Variants in CDH18 observed in about 807,000 individuals in gnomAD.
The protein encoded by CDH18 is cadherin-18.
CDH18 carries 31 observed loss-of-function variants against 67.9 expected under a neutral mutation model. The ratio of observed to expected loss-of-function variants is 0.46; its 90% CI spans 0.34 to 0.62. The LOEUF (loss-of-function observed/expected upper bound fraction) is 0.62. Ranked by LOEUF, CDH18 falls within the 20% of genes least tolerant of loss-of-function variation. The pLI is 0.01. For synonymous variants in CDH18, 362 were observed against 347.2 expected (o/e 1.04, Z -0.48); for missense variants, 890 against 975.5 (o/e 0.91, Z 1.17).
intron 1 of CDH18, among the ~76,000 whole-genome samples, chr5:20,528,114 A>T (rs1167284164): frequency 6.6e-6 from 1 of 152,102 alleles, no homozygotes; most frequent in Admixed American, 6.5e-5. Flanking sequence ...TTGCAATCCT[A>T]GTTTCTGACA....
At chr5:20,444,022 C>A (rs939450492) in intron 1 of CDH18, among the ~76,000 whole-genome samples, 2 of 151,960 alleles carry the variant, frequency 1.3e-5, no homozygotes, top group Admixed American at 6.5e-5. Context: ...TCAATTTTCA[C>A]ATTTGCTACA....
intron 2 of CDH18, among the ~76,000 whole-genome samples, chr5:19,882,024 A>G (rs1399736938): frequency 6.6e-6 from 1 of 152,182 alleles, no homozygotes; most frequent in African/African-American, 2.4e-5. Flanking sequence ...AGATGATGTC[A>G]CATACAAATG....
chr5:19,882,705 G>C (rs1207375720), intron 2 of CDH18, among the ~76,000 whole-genome samples: 1 of 152,054 alleles, frequency 6.6e-6, no homozygotes, highest in Non-Finnish European at 1.5e-5. Flanking sequence ...CCAAACCTTA[G>C]AAAGAAGTCT....
chr5:20,292,550 A>G (rs1747180526), intron 1 of CDH18, among the ~76,000 whole-genome samples: 1 of 152,162 alleles, frequency 6.6e-6, no homozygotes, highest in South Asian at 2.1e-4. Context: ...TAAAACAAGG[A>G]ACCACAAACT....
intron 1 of CDH18, chr5:20,304,955 A>T: frequency 6.2e-7 from 1 of 1,613,902 alleles, no homozygotes; most frequent in Non-Finnish European, 8.5e-7. Context: ...TCCCGCACGG[A>T]GCAGTTCAAG....
At chr5:20,012,617 C>A (rs531953267) in intron 2 of CDH18, among the ~76,000 whole-genome samples, 1 of 152,068 alleles carries the variant, frequency 6.6e-6, no homozygotes, top group African/African-American at 2.4e-5. Flanking sequence ...TTAAAGAAAT[C>A]AGAGATGACA....
At chr5:20,120,854 T>A (rs1463100161) in intron 2 of CDH18, among the ~76,000 whole-genome samples, 1 of 152,170 alleles carries the variant, frequency 6.6e-6, no homozygotes, top group Non-Finnish European at 1.5e-5. Context: ...ACATTTAAGT[T>A]TCAAATGATT....
At chr5:19,883,989 G>T (rs1172189380) in intron 2 of CDH18, among the ~76,000 whole-genome samples, 1 of 152,050 alleles carries the variant, frequency 6.6e-6, no homozygotes, top group Non-Finnish European at 1.5e-5. Context: ...GCCATAAAGT[G>T]TTTATATCTT....
chr5:19,555,378 T>C (rs956902663), intron 8 of CDH18, among the ~76,000 whole-genome samples: 4 of 152,158 alleles, frequency 2.6e-5, no homozygotes, highest in South Asian at 2.1e-4. Context: ...CTGGGGCAAG[T>C]TCTTAGCTGT....
chr5:19,848,710 T>C (rs935959753), intron 2 of CDH18, among the ~76,000 whole-genome samples: 39 of 151,842 alleles, frequency 2.6e-4, no homozygotes, highest in African/African-American at 8.5e-4. Context: ...AAAGAGGTAA[T>C]GTAGGACTGG....
intron 1 of CDH18, among the ~76,000 whole-genome samples, chr5:20,436,849 G>A (rs1479655284): frequency 6.6e-6 from 1 of 151,024 alleles, no homozygotes; most frequent in Non-Finnish European, 1.5e-5. Flanking sequence ...GTTAGTAAGG[G>A]AAGTGGTTTT....
intron 6 of CDH18, among the ~76,000 whole-genome samples, chr5:19,610,633 T>C (rs1748795716): frequency 6.6e-6 from 1 of 152,094 alleles, no homozygotes; most frequent in African/African-American, 2.4e-5. Context: ...GTAGAATCTA[T>C]TTGAAAACAA....
chr5:19,690,302 A>G (rs991136182), intron 5 of CDH18, among the ~76,000 whole-genome samples: 10 of 151,618 alleles, frequency 6.6e-5, no homozygotes, highest in African/African-American at 2.4e-4. Context: ...ATACAGCAAA[A>G]GTAGTGCTGA....
chr5:20,404,742 T>C (rs915237812), intron 1 of CDH18, among the ~76,000 whole-genome samples: 5 of 152,120 alleles, frequency 3.3e-5, no homozygotes, highest in Non-Finnish European at 7.4e-5. Flanking sequence ...AAACGTGATA[T>C]GGAGATATGA....
intron 5 of CDH18, among the ~76,000 whole-genome samples, chr5:19,711,090 T>G (rs971560520): frequency 1.3e-5 from 2 of 151,940 alleles, no homozygotes; most frequent in Non-Finnish European, 2.9e-5. Context: ...TCATTATATA[T>G]AAAAATTATC....
intron 1 of CDH18, among the ~76,000 whole-genome samples, chr5:20,365,221 C>G (rs1742410002): frequency 6.6e-6 from 1 of 152,088 alleles, no homozygotes; most frequent in Non-Finnish European, 1.5e-5. Flanking sequence ...GCTGTGTGTT[C>G]CCATGGCACA....
At chr5:20,478,597 C>G (rs1375972210) in intron 1 of CDH18, among the ~76,000 whole-genome samples, 1 of 152,182 alleles carries the variant, frequency 6.6e-6, no homozygotes, top group East Asian at 1.9e-4. Flanking sequence ...AATAGAGCAC[C>G]ATGTCAATTC....
intron 1 of CDH18, among the ~76,000 whole-genome samples, chr5:20,479,035 C>T (rs1752620007): frequency 6.6e-6 from 1 of 152,188 alleles, no homozygotes; most frequent in Non-Finnish European, 1.5e-5. Context: ...AGAGTCACAG[C>T]AGTACTGGGT....
At chr5:20,149,451 G>A (rs921523316) in intron 2 of CDH18, among the ~76,000 whole-genome samples, 1 of 152,144 alleles carries the variant, frequency 6.6e-6, no homozygotes, top group Non-Finnish European at 1.5e-5. Context: ...TCTAAGGAGT[G>A]ATATCGGACA....
Sources: allele counts gnomAD v4.1 joint callset (sites outside exome capture counted in the v4.1 genomes callset), GRCh38; gene constraint gnomAD v4.1.1; transcripts MANE v1.5; gene names NCBI Gene and HGNC (gene_info 2026-07-23, HGNC 2026-07-21).